The following SNTG2 variants were observed in gnomAD, a reference collection of about 807,000 sequenced individuals.
SNTG2 encodes the protein gamma-2-syntrophin.
SNTG2 carries 74 observed loss-of-function variants against 70.9 expected under a neutral mutation model. The ratio of observed to expected loss-of-function variants is 1.04; its 90% confidence interval spans 0.86 to 1.27. The LOEUF is 1.27. Among genes scored for constraint, SNTG2 ranks in the 50% most tolerant of loss-of-function variants. The pLI is 0.00. For synonymous variants in SNTG2, 278 were observed against 273.8 expected (o/e 1.02, Z -0.15); for missense variants, 717 against 690.7 (o/e 1.04, Z -0.43).
intron 1 of SNTG2, among the ~76,000 whole-genome samples, chr2:986,648 C>T (rs931706152): frequency 4.6e-5 from 7 of 152,298 alleles, no homozygotes; most frequent in East Asian, 1.9e-4. Flanking sequence ...TAAAGACTAT[C>T]GGAGATTCTG....
At chr2:954,144 G>C (rs1660068202) in intron 1 of SNTG2, among the ~76,000 whole-genome samples, 1 of 152,202 alleles carries the variant, frequency 6.6e-6, no homozygotes, top group Non-Finnish European at 1.5e-5. Context: ...AGGCTCTGCT[G>C]CGCACCCCTA....
chr2:1,038,164 A>G (rs1008401126), intron 1 of SNTG2, among the ~76,000 whole-genome samples: 2 of 152,202 alleles, frequency 1.3e-5, no homozygotes, highest in African/African-American at 2.4e-5. Flanking sequence ...CTACTTGATC[A>G]TCTTTACAAA....
chr2:1,339,117 T>C (rs1659959495), intron 16 of SNTG2, among the ~76,000 whole-genome samples: 1 of 152,202 alleles, frequency 6.6e-6, no homozygotes, highest in African/African-American at 2.4e-5. Flanking sequence ...CCCCAATGAT[T>C]GATGATGTGA....
Position 1,173,073 on chromosome 2 carries a change from T to C in SNTG2, c.500-19T>C, listed in dbSNP as rs1287765093. On this transcript the variant is annotated intron_variant, in intron 7 of 16. Transcript: ENST00000308624. ...GTCAGTGGCACCAATTGGAAGGGAC[T>C]TCTCTTGTTTTGCTGCAGGGTCCCC... 2 of 1,611,662 alleles carry C rather than the reference T, an allele frequency of 1.2e-6. No individual in the cohort carries two copies. Among genetic ancestry groups the C allele is most frequent in the African/African-American group, 1.3e-5 (1 of 74,924 alleles).
chr2:1,262,697 CCAGACGAGGCAACCGGAAGGCTCCG>C (rs1402616303), intron 13 of SNTG2: 32,598 of 135,212 alleles, frequency 0.24, 5,710 homozygotes, highest in Non-Finnish European at 0.34. Flanking sequence ...AAGGCTCCGT[CCAGACGAGGCAACCGGAAGGCTCCG>C]TCCAGACGAG....
intron 1 of SNTG2, among the ~76,000 whole-genome samples, chr2:1,005,780 G>A (rs1223649754): frequency 7.4e-6 from 1 of 134,484 alleles, no homozygotes; most frequent in Non-Finnish European, 1.6e-5. Flanking sequence ...CTCCAGCCTG[G>A]GCGACAGAGC....
chr2:1,239,910 CATT>C (rs1676939227), intron 11 of SNTG2, 134 bp downstream of exon 11: 7 of 1,113,608 alleles, frequency 6.3e-6, no homozygotes, highest in Non-Finnish European at 6.6e-6. Context: ...GATAGGAAAA[CATT>C]AGCACATTTC....
chr2:1,283,236 C>A (rs1247867638), intron 14 of SNTG2, among the ~76,000 whole-genome samples: 1 of 152,172 alleles, frequency 6.6e-6, no homozygotes, highest in Non-Finnish European at 1.5e-5. Context: ...GGCTGGTGGT[C>A]ACCCTCCGAA....
At chr2:1,162,030 C>T (rs892498317) in intron 6 of SNTG2, among the ~76,000 whole-genome samples, 19 of 144,294 alleles carry the variant, frequency 1.3e-4, no homozygotes, top group South Asian at 4.5e-4. Context: ...GCCCAGATGG[C>T]GCCACTGCAC....
At chr2:1,346,546 C>G (rs566861846) in intron 16 of SNTG2, 2 of 152,462 alleles carry the variant, frequency 1.3e-5, no homozygotes, top group South Asian at 2.1e-4. Context: ...CTCCCTCCAA[C>G]GCGGGCTTCA....
intron 8 of SNTG2, among the ~76,000 whole-genome samples, chr2:1,183,611 G>A (rs1672068692): frequency 6.6e-6 from 1 of 152,054 alleles, no homozygotes. Flanking sequence ...AAAAATTGAT[G>A]GGAATTAGCA....
chr2:1,284,002 C>T (rs1421530383), intron 14 of SNTG2, among the ~76,000 whole-genome samples: 2 of 152,220 alleles, frequency 1.3e-5, no homozygotes, highest in Admixed American at 6.5e-5. Flanking sequence ...TGAAAGTCCC[C>T]GCAGTGAGCC....
chr2:1,313,705 G>T (rs527568280), intron 15 of SNTG2, among the ~76,000 whole-genome samples: 1 of 152,096 alleles, frequency 6.6e-6, no homozygotes, highest in African/African-American at 2.4e-5. Context: ...CACCACGTCC[G>T]GCCACACAGC....
intron 1 of SNTG2, among the ~76,000 whole-genome samples, chr2:1,050,909 G>A (rs892995567): frequency 8.5e-5 from 13 of 152,052 alleles, no homozygotes; most frequent in African/African-American, 3.1e-4. Flanking sequence ...TTTATTTCTA[G>A]ATATGTTTAA....
intron 16 of SNTG2, among the ~76,000 whole-genome samples, chr2:1,340,337 T>C (rs961122495): frequency 1.3e-5 from 2 of 152,200 alleles, no homozygotes; most frequent in African/African-American, 4.8e-5. Flanking sequence ...AATGAGATCA[T>C]CACCCAACAG....
At chr2:1,346,945 A>G (rs1660319829) in intron 16 of SNTG2, among the ~76,000 whole-genome samples, 1 of 152,194 alleles carries the variant, frequency 6.6e-6, no homozygotes, top group Non-Finnish European at 1.5e-5. Context: ...AGTCATCTGC[A>G]TCCACCACGT....
chr2:968,645 T>G (rs774234631), intron 1 of SNTG2, among the ~76,000 whole-genome samples: 2 of 152,192 alleles, frequency 1.3e-5, no homozygotes, highest in Admixed American at 6.5e-5. Context: ...CTTTAATCCC[T>G]TCCCATAAGT....
At chr2:1,174,289 C>CATATATAT (rs10563978) in intron 8 of SNTG2, among the ~76,000 whole-genome samples, 1 of 149,290 alleles carries the variant, frequency 6.7e-6, no homozygotes, top group African/African-American at 2.5e-5. Flanking sequence ...AAGTTTTATC[C>CATATATAT]ATATATATAT....
At chr2:1,339,950 G>T (rs201203911) in intron 16 of SNTG2, among the ~76,000 whole-genome samples, 1 of 152,178 alleles carries the variant, frequency 6.6e-6, no homozygotes, top group African/African-American at 2.4e-5. Flanking sequence ...CGCACCGTCC[G>T]CTCACTGGCC....
Sources: gnomAD v4.1 joint callset for allele counts (sites outside exome capture counted in the v4.1 genomes callset) on GRCh38, gnomAD v4.1.1 for gene constraint, MANE v1.5 for transcripts, NCBI Gene and HGNC (gene_info 2026-07-23, HGNC 2026-07-21) for gene names.